The following EPB41L5 variants were observed in gnomAD, a reference collection of about 807,000 sequenced individuals.
EPB41L5 encodes band 4.1-like protein 5.
In EPB41L5, 55 loss-of-function variants were observed where a neutral mutation model predicts 106.6. That is an observed-to-expected ratio of 0.52 (90% CI 0.42 to 0.65). The LOEUF (loss-of-function observed/expected upper bound fraction) is 0.65, where lower values mean the gene tolerates loss of function less well. EPB41L5 is among the 30% of genes least tolerant of loss of function. The pLI is 0.00. For missense variants in EPB41L5, 871 were observed against 882.1 expected (o/e 0.99, Z 0.16); for synonymous variants, 297 against 306.7 (o/e 0.97, Z 0.33).
chr2:120,070,051 G>A (rs1681749843), intron 3 of EPB41L5, among the ~76,000 whole-genome samples: 1 of 151,830 alleles, frequency 6.6e-6, no homozygotes, highest in South Asian at 2.1e-4. Context: ...GCTCCTGAAG[G>A]AAGCTCTATT....
At chr2:120,167,561 C>G in intron 23 of EPB41L5, 54 bp downstream of exon 23, 1 of 1,536,416 alleles carries the variant, frequency 6.5e-7, no homozygotes, top group Non-Finnish European at 9.0e-7. Context: ...AGGGTAAGGC[C>G]TAAAGGATTA....
At chr2:120,048,345 A>T (rs974140883) in intron 3 of EPB41L5, among the ~76,000 whole-genome samples, 1 of 152,006 alleles carries the variant, frequency 6.6e-6, no homozygotes, top group African/African-American at 2.4e-5. Context: ...AGAGCCTGTT[A>T]TTGATCTATT....
At chr2:120,050,689 C>T (rs376341882) in intron 3 of EPB41L5, among the ~76,000 whole-genome samples, 3 of 152,310 alleles carry the variant, frequency 2.0e-5, no homozygotes, top group African/African-American at 4.8e-5. Context: ...AGCTTTGTTC[C>T]GTTTGTGGCG....
intron 3 of EPB41L5, among the ~76,000 whole-genome samples, chr2:120,047,413 C>G (rs1258919498): frequency 1.3e-5 from 2 of 151,870 alleles, no homozygotes; most frequent in African/African-American, 4.8e-5. Context: ...ATTTTATTCT[C>G]TTTGAAGCAA....
At chr2:120,167,548 T>G in intron 23 of EPB41L5, 41 bp downstream of exon 23, 1 of 1,591,070 alleles carries the variant, frequency 6.3e-7, no homozygotes, top group Non-Finnish European at 8.6e-7. Context: ...TGGCTACCCT[T>G]TCAGGGTAAG....
At chr2:120,092,150 A>G (rs1683465127) in intron 13 of EPB41L5, among the ~76,000 whole-genome samples, 1 of 151,934 alleles carries the variant, frequency 6.6e-6, no homozygotes, top group African/African-American at 2.4e-5. Context: ...TGTCTCAGCC[A>G]CCTGAGTAGC....
chr2:120,106,862 T>C, intron 16 of EPB41L5: 1 of 983,222 alleles, frequency 1.0e-6, no homozygotes, highest in South Asian at 4.7e-5. Context: ...AGGATAATCA[T>C]AGATAACATA....
At chr2:120,135,413 A>G (rs985140803) in intron 18 of EPB41L5, among the ~76,000 whole-genome samples, 1 of 152,192 alleles carries the variant, frequency 6.6e-6, no homozygotes, top group Admixed American at 6.5e-5. Context: ...AAACCTAGAG[A>G]AAGATATCAA....
chr2:120,033,739 G>GT (rs1678868893), intron 2 of EPB41L5, among the ~76,000 whole-genome samples: 1 of 149,332 alleles, frequency 6.7e-6, no homozygotes, highest in Non-Finnish European at 1.5e-5. Context: ...AGTAATTATG[G>GT]TTTTTGCAAT....
In EPB41L5 at chr2:120,030,395, A is replaced by G. The variant is rs182633925; in HGVS notation, c.180+11131A>G. On this transcript the variant is annotated intron_variant, in intron 2 of 24. Transcript: ENST00000263713. Reference sequence around the variant, plus strand: ...ATTTTGCAGACCCTGCACTGGATGGATCAGCTGAGATCACCCAGATCGGTA... The same window carrying G: ...ATTTTGCAGACCCTGCACTGGATGGGTCAGCTGAGATCACCCAGATCGGTA... 4.5e-3 allele frequency among the ~76,000 whole-genome samples: 686 copies of G among 152,258 alleles called. 7 individuals carry two copies. Among genetic ancestry groups the G allele is most frequent in the Non-Finnish European group, 5.8e-3 (392 of 67,998 alleles).
chr2:120,153,893 TAGTG>T (rs932299966), intron 20 of EPB41L5, among the ~76,000 whole-genome samples: 1 of 152,212 alleles, frequency 6.6e-6, no homozygotes, highest in Non-Finnish European at 1.5e-5. Context: ...CTTTGGATCA[TAGTG>T]AGGCTTGTAG....
intron 16 of EPB41L5, among the ~76,000 whole-genome samples, chr2:120,119,897 AATTAT>A (rs1379481366): frequency 6.6e-6 from 1 of 152,170 alleles, no homozygotes; most frequent in African/African-American, 2.4e-5. Flanking sequence ...TTACATAATA[AATTAT>A]ATTAAGCTCA....
Position 120,080,885 on chromosome 2 carries a change from G to T in EPB41L5, c.803+2304G>T, listed in dbSNP as rs546025609. Among the ~76,000 whole-genome samples, 55 of 152,164 alleles carry T rather than the reference G, an allele frequency of 3.6e-4. No individual in the cohort carries two copies. The East Asian group carries it at 9.7e-3, about 27-fold the overall frequency. On this transcript the variant is annotated intron_variant, in intron 10 of 24. Coordinates refer to ENST00000263713, the MANE Select transcript of EPB41L5 (RefSeq NM_020909.4). Reference sequence around the variant, plus strand: ...ATGATGAGCATTTTTTCATGTGTCTGTTGGCTGCATAAATGTCTTCTTTTG... The same window carrying T: ...ATGATGAGCATTTTTTCATGTGTCTTTTGGCTGCATAAATGTCTTCTTTTG...
chr2:120,167,882 T>A lies in EPB41L5; in HGVS notation c.2010T>A (p.Ser670Arg). Residue 670 changes from serine (S) to arginine (R), a missense_variant, in exon 24 of 25, where the codon AGT becomes AGA. Ser to Arg is a moderately radical substitution (Grantham distance 110). Coordinates refer to ENST00000263713, the MANE Select transcript of EPB41L5 (RefSeq NM_020909.4). ...MITPRWIVPQ[S>R]GAMSNGLAGC... The stretch of plus-strand genomic sequence containing the variant: ...TGTGTGTGTATCTCCCACAGCAGAG[T>A]GGTGCCATGTCTAATGGACTTGCGG... 6.2e-7 allele frequency: 1 copy of A among 1,614,016 alleles called. No homozygotes were observed. Among genetic ancestry groups the A allele is most frequent in the East Asian group, 2.2e-5 (1 of 44,872 alleles).
chr2:120,100,802 A>T lies in EPB41L5; in HGVS notation c.1325A>T (p.His442Leu). Residue 442 changes from histidine to leucine, a missense_variant, in exon 16 of 25, where the codon CAT becomes CTT. His to Leu is a moderately conservative substitution (Grantham distance 99). Transcript: ENST00000263713. ...CCACAGAGTCCTGGAACAGACCAGC[A>T]TGACAGGAAATGGTTTGTTAATTCC... Reference protein sequence around the residue: ...NLPQSPGTDQHDRKCIPLNID... With the variant: ...NLPQSPGTDQLDRKCIPLNID... 1 of 1,594,644 alleles carries T rather than the reference A, an allele frequency of 6.3e-7. No homozygotes were observed. The highest frequency in any genetic ancestry group is 8.6e-7 in the Non-Finnish European group (1 of 1,167,124).
chr2:120,158,674 G>T (rs1163518071), intron 20 of EPB41L5, among the ~76,000 whole-genome samples: 2 of 152,090 alleles, frequency 1.3e-5, no homozygotes, highest in African/African-American at 4.8e-5. Context: ...CTTGAGAACT[G>T]GCACAAGACA....
intron 3 of EPB41L5, among the ~76,000 whole-genome samples, chr2:120,054,819 A>G (rs930946445): frequency 3.4e-5 from 5 of 147,964 alleles, no homozygotes; most frequent in Non-Finnish European, 5.9e-5. Flanking sequence ...ATGTGGGTTT[A>G]TTTCTGGATT....
intron 20 of EPB41L5, among the ~76,000 whole-genome samples, chr2:120,148,793 A>C (rs1374477394): frequency 6.6e-6 from 1 of 152,160 alleles, no homozygotes; most frequent in Admixed American, 6.5e-5. Context: ...CTCTTTAGCT[A>C]TTGTGAACAA....
At chr2:120,090,096 AT>A (rs1683309912) in intron 11 of EPB41L5, among the ~76,000 whole-genome samples, 1 of 151,844 alleles carries the variant, frequency 6.6e-6, no homozygotes, top group Admixed American at 6.6e-5. Flanking sequence ...ATAAAATCTC[AT>A]TTTATGTCTC....
Sources: gnomAD v4.1 joint callset for allele counts (sites outside exome capture counted in the v4.1 genomes callset) on GRCh38, gnomAD v4.1.1 for gene constraint, MANE v1.5 for transcripts, NCBI Gene and HGNC (gene_info 2026-07-23, HGNC 2026-07-21) for gene names.